The following DCN variants were observed in gnomAD, a reference collection of about 807,000 sequenced individuals.
The protein encoded by DCN is bone proteoglycan II.
In DCN, 17 loss-of-function variants were observed where a neutral mutation model predicts 36.5. The observed-to-expected ratio is 0.47, with a 90% CI of 0.32 to 0.70. The LOEUF (loss-of-function observed/expected upper bound fraction) is 0.70, where lower values mean the gene tolerates loss of function less well. Among genes scored for constraint, DCN ranks in the 30% least tolerant of loss-of-function variants. The pLI is 0.04. For missense variants in DCN, 389 were observed against 430.1 expected (o/e 0.90, Z 0.84); for synonymous variants, 163 against 161.4 (o/e 1.01, Z -0.07).
In DCN at chr12:91,157,182, C is replaced by T. The variant is rs763988753; in HGVS notation, c.545G>A (p.Gly182Asp). Reference sequence around the variant, plus strand: ...TCCTGAGCTCTTCAGCGGATTGGTGCCCAGTTCTACAAATGTAATAAGTGC... The same window carrying T: ...TCCTGAGCTCTTCAGCGGATTGGTGTCCAGTTCTACAAATGTAATAAGTGC... The part of the protein sequence containing the change: ...GLNQMIVIEL[G>D]TNPLKSSGIE... The change falls in exon 5 of 8, where the codon GGC (glycine) becomes GAC (aspartate). Residue 182 changes from glycine to aspartate, a missense_variant. Coordinates refer to ENST00000052754, the MANE Select transcript of DCN (RefSeq NM_001920.5). 1 of 1,610,506 alleles carries T rather than the reference C, an allele frequency of 6.2e-7. No individual in the cohort carries two copies. The highest frequency in any genetic ancestry group is 8.5e-7 in the Non-Finnish European group (1 of 1,176,792).
chr12:91,171,475 C>A (rs1882951097), intron 2 of DCN, among the ~76,000 whole-genome samples: 1 of 152,224 alleles, frequency 6.6e-6, no homozygotes, highest in Non-Finnish European at 1.5e-5. Flanking sequence ...TCTAATTCCT[C>A]TCTCTTCCCT....
At chr12:91,148,143 G>C (rs886899240) in intron 7 of DCN, among the ~76,000 whole-genome samples, 6 of 150,448 alleles carry the variant, frequency 4.0e-5, no homozygotes, top group African/African-American at 1.5e-4. Context: ...TCGCAATCTC[G>C]GCTCACTGCA....
intron 7 of DCN, among the ~76,000 whole-genome samples, chr12:91,150,403 T>C (rs573585385): frequency 1.3e-4 from 20 of 152,270 alleles, no homozygotes; most frequent in South Asian, 6.2e-4. Context: ...CAAAATTAGA[T>C]TATAAAACCA....
At chr12:91,181,529 A>G (rs901458807) in intron 1 of DCN, among the ~76,000 whole-genome samples, 1 of 152,138 alleles carries the variant, frequency 6.6e-6, no homozygotes, top group Non-Finnish European at 1.5e-5. Flanking sequence ...ACAATGTCCA[A>G]GATGCTAATT....
intron 3 of DCN, among the ~76,000 whole-genome samples, chr12:91,160,431 T>A (rs1278152093): frequency 1.3e-5 from 2 of 152,080 alleles, no homozygotes; most frequent in African/African-American, 4.8e-5. Context: ...AAGCCATTTA[T>A]GTAGGTCTTA....
At chr12:91,157,822 G>T (rs1489778895) in intron 4 of DCN, among the ~76,000 whole-genome samples, 2 of 152,126 alleles carry the variant, frequency 1.3e-5, no homozygotes, top group African/African-American at 2.4e-5. Flanking sequence ...TAGAGATGGG[G>T]TTTCACCATG....
rs868231531 is a variant in DCN, at chr12:91,146,161, C to T, written c.977G>A (p.Gly326Asp). 6.2e-7 allele frequency: 1 copy of T among 1,613,606 alleles called. No homozygotes were observed. The highest frequency in any genetic ancestry group is 8.5e-7 in the Non-Finnish European group (1 of 1,179,676). Residue 326 changes from glycine to aspartate, a missense_variant, in exon 8 of 8, where the codon GGT becomes GAT. Coordinates refer to ENST00000052754, the MANE Select transcript of DCN (RefSeq NM_001920.5). ...GHNTKKASYS[G>D]VSLFSNPVQY... ...GACCGGGTTGCTGAAAAGACTCACA[C>T]CCGAATAAGAAGCCTTTTTGGTGTT... is the stretch of plus-strand genomic sequence containing the variant.
chr12:91,156,946 T>C, intron 5 of DCN, 129 bp downstream of exon 5: 1 of 667,300 alleles, frequency 1.5e-6, no homozygotes, highest in Non-Finnish European at 2.7e-6. Flanking sequence ...ACACTAGCAG[T>C]AATAGAGAAT....
intron 2 of DCN, among the ~76,000 whole-genome samples, chr12:91,165,838 G>A (rs549227349): frequency 4.6e-4 from 70 of 151,980 alleles, no homozygotes; most frequent in Non-Finnish European, 8.7e-4. Flanking sequence ...ATACCTCTTG[G>A]GCACCATGAA....
At chr12:91,155,318 A>T (rs1407171601) in intron 5 of DCN, among the ~76,000 whole-genome samples, 1 of 152,114 alleles carries the variant, frequency 6.6e-6, no homozygotes, top group Non-Finnish European at 1.5e-5. Flanking sequence ...CATATAGAAG[A>T]CTCCATGACA....
At chr12:91,157,289 T>A in intron 4 of DCN, 101 bp from the exon 5 acceptor site, 2 of 833,224 alleles carry the variant, frequency 2.4e-6, no homozygotes, top group Non-Finnish European at 4.2e-6. Flanking sequence ...AAATAGGGAT[T>A]AATATCAACT....
At chr12:91,176,389 T>C (rs755547372) in intron 2 of DCN, 7 of 152,028 alleles carry the variant, frequency 4.6e-5, no homozygotes. Flanking sequence ...AAAGATAACA[T>C]GTAGAAAACT....
In DCN at chr12:91,172,744, C is replaced by G. The variant is rs375033189; in HGVS notation, c.211+5598G>C. Reference sequence around the variant, plus strand: ...TTCATCCAAGCATTAATTCAAGAACCAAGCCATGCATATGTTCGTGTATTC... The same window carrying G: ...TTCATCCAAGCATTAATTCAAGAACGAAGCCATGCATATGTTCGTGTATTC... On this transcript the variant is annotated intron_variant, in intron 2 of 7. Transcript: ENST00000052754. The G allele has an allele frequency of 1.1e-4, 79 of 699,202 alleles. No homozygotes were observed. In the East Asian group the frequency reaches 1.3e-3, roughly 12 times the overall value. The allele number at this position is 699,202 out of a possible 1,614,324, so 43.3% of individuals were successfully genotyped here. A position where few individuals can be genotyped will look rare whatever the true frequency, so the allele number is the denominator to read the frequency against.
intron 2 of DCN, among the ~76,000 whole-genome samples, chr12:91,167,168 T>C (rs768336775): frequency 4.6e-5 from 7 of 152,156 alleles, no homozygotes; most frequent in South Asian, 2.1e-4. Context: ...ATAATTGTTC[T>C]GACATCAGAC....
intron 1 of DCN, among the ~76,000 whole-genome samples, chr12:91,181,726 A>G (rs1336395548): frequency 1.3e-5 from 2 of 152,116 alleles, no homozygotes; most frequent in East Asian, 3.8e-4. Context: ...TTAACCCTCA[A>G]GAGATAAGTG....
intron 3 of DCN, among the ~76,000 whole-genome samples, chr12:91,162,065 C>T (rs540936572): frequency 1.3e-5 from 2 of 151,932 alleles, no homozygotes; most frequent in Non-Finnish European, 2.9e-5. Context: ...CTCAGACTCC[C>T]GAGTAGCTGG....
At chr12:91,161,169 G>T (rs1592691523) in intron 3 of DCN, among the ~76,000 whole-genome samples, 1 of 152,156 alleles carries the variant, frequency 6.6e-6, no homozygotes, top group South Asian at 2.1e-4. Flanking sequence ...TGTATACTTT[G>T]AAGTAGAAAG....
rs1317190664 is a variant in DCN at position 91,142,822 on chromosome 12, C to T, written c.*3236G>A. On this transcript the variant is annotated 3_prime_UTR_variant, in exon 8 of 8. Transcript: ENST00000052754. ...ATGTGAAGCACCCATAATCGAACAACAGTTTTAATGAAAACAAAAAAATTA... is the reference window on the plus strand; with the variant it reads ...ATGTGAAGCACCCATAATCGAACAATAGTTTTAATGAAAACAAAAAAATTA... The T allele has an allele frequency of 3.3e-5, 5 of 151,998 alleles. No individual in the cohort carries two copies. The highest frequency in any genetic ancestry group is 3.3e-4 in the Admixed American group (5 of 15,258). The allele number at this position is 151,998 out of a possible 1,614,324, so 9.4% of individuals were successfully genotyped here. A position where few individuals can be genotyped will look rare whatever the true frequency, so the allele number is the denominator to read the frequency against.
chr12:91,146,609 C>T (rs950181056), intron 7 of DCN, among the ~76,000 whole-genome samples: 3 of 152,128 alleles, frequency 2.0e-5, no homozygotes, highest in Non-Finnish European at 2.9e-5. Flanking sequence ...CCACCTCAGC[C>T]TCCTGAAGTG....
Sources: gnomAD v4.1 joint callset for allele counts (sites outside exome capture counted in the v4.1 genomes callset) on GRCh38, gnomAD v4.1.1 for gene constraint, MANE v1.5 for transcripts, NCBI Gene and HGNC (gene_info 2026-07-23, HGNC 2026-07-21) for gene names.